TCF12: variants seen among roughly 807,000 people sequenced by gnomAD.
The protein encoded by TCF12 is transcription factor 12.
In TCF12, 45 loss-of-function variants were observed where a neutral mutation model predicts 86.0. That is an observed-to-expected ratio of 0.52 (90% CI 0.41 to 0.67). The LOEUF (loss-of-function observed/expected upper bound fraction) is 0.67. Ranked by LOEUF, TCF12 falls within the 30% of genes least tolerant of loss-of-function variation. The probability of loss-of-function intolerance (pLI) is 0.00; values close to 1 mark genes in which losing one functional copy is unlikely to be tolerated. For missense variants in TCF12, 881 were observed against 859.9 expected (o/e 1.02, Z -0.31); for synonymous variants, 330 against 299.6 (o/e 1.10, Z -1.05).
At chr15:57,284,481 G>A (rs527248877) in intron 20 of TCF12, among the ~76,000 whole-genome samples, 216 of 152,258 alleles carry the variant, frequency 1.4e-3, no homozygotes, top group Non-Finnish European at 2.1e-3. Context: ...AAGTGCTGGC[G>A]TTACAGGCGT....
chr15:57,057,061 A>G (rs2068085832), intron 3 of TCF12, among the ~76,000 whole-genome samples: 2 of 152,148 alleles, frequency 1.3e-5, no homozygotes, highest in South Asian at 4.1e-4. Flanking sequence ...TTAGTGAGCC[A>G]TTTGCTTTTG....
chr15:57,024,304 C>G (rs1201394411), intron 3 of TCF12, among the ~76,000 whole-genome samples: 1 of 146,638 alleles, frequency 6.8e-6, no homozygotes, highest in African/African-American at 2.5e-5. Flanking sequence ...CTCACTGCAG[C>G]TTCTGCTAGG....
At chr15:57,170,724 A>T (rs2055359552) in intron 6 of TCF12, among the ~76,000 whole-genome samples, 1 of 1,764 alleles carries the variant, frequency 5.7e-4, no homozygotes, top group Non-Finnish European at 1.2e-3. Context: ...TATATATATT[A>T]TATATTATAT....
chr15:57,230,970 G>T (rs761831042), intron 8 of TCF12, among the ~76,000 whole-genome samples, 182 bp from the exon 9 acceptor site: 1 of 150,560 alleles, frequency 6.6e-6, no homozygotes, highest in Non-Finnish European at 1.5e-5. Context: ...AAAAAAACAT[G>T]TGGATGGTAA....
chr15:57,097,320 G>T (rs913868984), intron 5 of TCF12, among the ~76,000 whole-genome samples: 8 of 151,918 alleles, frequency 5.3e-5, no homozygotes, highest in African/African-American at 1.5e-4. Context: ...TTGAGCCCAG[G>T]AGTTTAAGAC....
chr15:56,986,027 T>C (rs16977178), intron 3 of TCF12, among the ~76,000 whole-genome samples: 2,082 of 152,258 alleles, frequency 0.014, 56 homozygotes, highest in African/African-American at 0.044. Flanking sequence ...TCAGTTCTTT[T>C]GTAATGCTAT....
At chr15:57,125,337 G>A (rs2051564610) in intron 5 of TCF12, among the ~76,000 whole-genome samples, 1 of 152,196 alleles carries the variant, frequency 6.6e-6, no homozygotes, top group Non-Finnish European at 1.5e-5. Context: ...TTCTATTGTA[G>A]TAGATCCAGC....
chr15:56,975,210 G>A (rs754123650), intron 3 of TCF12, among the ~76,000 whole-genome samples: 1 of 152,060 alleles, frequency 6.6e-6, no homozygotes, highest in Non-Finnish European at 1.5e-5. Context: ...TTATGTACTG[G>A]CATTTGGCTT....
At chr15:56,926,348 G>A (rs2060015228) in intron 3 of TCF12, among the ~76,000 whole-genome samples, 1 of 151,422 alleles carries the variant, frequency 6.6e-6, no homozygotes, top group Non-Finnish European at 1.5e-5. Context: ...TTATTATTTT[G>A]ATGGGAAGTA....
At chr15:57,104,007 C>T (rs1351429607) in intron 5 of TCF12, among the ~76,000 whole-genome samples, 7 of 151,914 alleles carry the variant, frequency 4.6e-5, no homozygotes, top group South Asian at 4.1e-4. Context: ...GACTCTGTCT[C>T]AAAAACAAAC....
chr15:57,118,199 C>A (rs1302888725), intron 5 of TCF12, among the ~76,000 whole-genome samples: 5 of 152,176 alleles, frequency 3.3e-5, no homozygotes, highest in African/African-American at 4.8e-5. Context: ...GCTTGGTCCC[C>A]TGGCAGTGAT....
chr15:57,219,308 G>C (rs2058468216), intron 8 of TCF12: 1 of 1,226,370 alleles, frequency 8.2e-7, no homozygotes, highest in Admixed American at 4.0e-5. Flanking sequence ...ACCAATGCAA[G>C]GACTTGATGG....
At chr15:57,041,137 C>T (rs1011498626) in intron 3 of TCF12, among the ~76,000 whole-genome samples, 109 of 152,078 alleles carry the variant, frequency 7.2e-4, no homozygotes, top group Non-Finnish European at 3.7e-4. Context: ...TTTGATAAAA[C>T]GAAAAATGCA....
At chr15:57,120,788 A>G (rs1439765671) in intron 5 of TCF12, among the ~76,000 whole-genome samples, 2 of 152,176 alleles carry the variant, frequency 1.3e-5, no homozygotes, top group Non-Finnish European at 2.9e-5. Context: ...AAAGTGAGAC[A>G]TTCTTTAATG....
intron 5 of TCF12, among the ~76,000 whole-genome samples, chr15:57,135,564 A>G (rs2052461568): frequency 6.6e-6 from 1 of 152,218 alleles, no homozygotes; most frequent in Non-Finnish European, 1.5e-5. Flanking sequence ...CAATTATGAA[A>G]TTATTTTAGT....
At chr15:57,043,663 A>G (rs1188371689) in intron 3 of TCF12, among the ~76,000 whole-genome samples, 1 of 152,260 alleles carries the variant, frequency 6.6e-6, no homozygotes, top group Non-Finnish European at 1.5e-5. Context: ...TTAAGTCAGT[A>G]GAATTTTAGC....
chr15:57,253,602 T>A, intron 16 of TCF12, 134 bp downstream of exon 16: 10 of 1,012,480 alleles, frequency 9.9e-6, no homozygotes, highest in Non-Finnish European at 1.4e-5. Flanking sequence ...CTTTACTGTC[T>A]TTGGCAGTAA....
At chr15:57,281,500 G>A (rs772538018) in intron 19 of TCF12, 4 of 152,198 alleles carry the variant, frequency 2.6e-5, no homozygotes, top group African/African-American at 7.2e-5. Context: ...TGTTACGAAC[G>A]AACGGGCTGG....
chr15:57,257,837 T>C (rs887565975), intron 16 of TCF12, among the ~76,000 whole-genome samples: 2 of 152,174 alleles, frequency 1.3e-5, no homozygotes, highest in African/African-American at 2.4e-5. Flanking sequence ...TATTTGATAC[T>C]GATATATCAT....
Sources: gnomAD v4.1 joint callset for allele counts (sites outside exome capture counted in the v4.1 genomes callset) on GRCh38, gnomAD v4.1.1 for gene constraint, MANE v1.5 for transcripts, NCBI Gene and HGNC (gene_info 2026-07-23, HGNC 2026-07-21) for gene names.